CBFA2T3: variants seen among roughly 807,000 people sequenced by gnomAD.
CBFA2T3 encodes transcriptional corepressor CBFA2T3.
Under a neutral mutation model 58.6 loss-of-function variants are expected in CBFA2T3, and 31 were observed. That is an observed-to-expected ratio of 0.53 (90% CI 0.40 to 0.71). The LOEUF is 0.71. CBFA2T3 is among the 30% of genes least tolerant of loss of function. The pLI is 0.00. For missense variants in CBFA2T3, 1,076 were observed against 963.1 expected (o/e 1.12, Z -1.55); for synonymous variants, 531 against 421.9 (o/e 1.26, Z -3.17).
At chr16:88,900,684 ACT>A (rs934692071) in intron 2 of CBFA2T3, among the ~76,000 whole-genome samples, 1 of 152,056 alleles carries the variant, frequency 6.6e-6, no homozygotes, top group African/African-American at 2.4e-5. Context: ...CCCTGCAGAC[ACT>A]GAGATGCACT....
intron 4 of CBFA2T3, 73 bp from the exon 5 acceptor site, chr16:88,892,044 AG>A: frequency 7.1e-7 from 1 of 1,418,244 alleles, no homozygotes; most frequent in Non-Finnish European, 9.9e-7. Flanking sequence ...CCCATGCCTG[AG>A]GAGGAGGCTT....
rs1968830644 is a variant in CBFA2T3, at chr16:88,876,434, C to T, written c.*542G>A. On this transcript the variant is annotated 3_prime_UTR_variant, in exon 12 of 12. Transcript: ENST00000268679. ...GCTATAAAATCGCAGTTTTCTTTCT[C>T]CCTTTTTAATCAGGAGGGGGAGAAC... 1 of 230,902 alleles carries T rather than the reference C, an allele frequency of 4.3e-6. No individual in the cohort carries two copies. The highest frequency in any genetic ancestry group is 2.2e-5 in the African/African-American group (1 of 45,250). 14.3% of individuals were successfully genotyped at this position (230,902 alleles called of 1,614,324 possible). A position where few individuals can be genotyped will look rare whatever the true frequency, so the allele number is the denominator to read the frequency against.
chr16:88,889,323 G>C (rs1969528040), intron 5 of CBFA2T3, among the ~76,000 whole-genome samples: 1 of 131,596 alleles, frequency 7.6e-6, no homozygotes, highest in Non-Finnish European at 1.6e-5. Flanking sequence ...GGGAGGGCAG[G>C]AGGAAAGGAG....
intron 1 of CBFA2T3, among the ~76,000 whole-genome samples, chr16:88,907,678 C>T (rs1288659445): frequency 6.6e-6 from 1 of 152,240 alleles, no homozygotes; most frequent in Non-Finnish European, 1.5e-5. Flanking sequence ...CCTGGGAACC[C>T]CGAGGGGAGG....
intron 1 of CBFA2T3, among the ~76,000 whole-genome samples, chr16:88,973,520 A>G (rs1258607248): frequency 6.6e-6 from 1 of 152,132 alleles, no homozygotes; most frequent in East Asian, 1.9e-4. Flanking sequence ...GGAGATAGAA[A>G]CACCCGGGGA....
At chr16:88,899,453 C>T (rs1010299802) in intron 2 of CBFA2T3, among the ~76,000 whole-genome samples, 7 of 152,212 alleles carry the variant, frequency 4.6e-5, no homozygotes, top group African/African-American at 1.7e-4. Context: ...TCTTTCATAA[C>T]CTTCACGCTC....
chr16:88,876,661 G>A lies in CBFA2T3; in HGVS notation c.*315C>T, dbSNP rs1300484532. ...GAAAAGAGAGGTGGGCAGAGCCGCC[G>A]CGCCTGCGGCATCTGCTCTGCTGTC... On this transcript the variant is annotated 3_prime_UTR_variant, in exon 12 of 12. Coordinates refer to ENST00000268679, the MANE Select transcript of CBFA2T3 (RefSeq NM_005187.6). 8.7e-5 allele frequency: 30 copies of A among 344,372 alleles called. No individual in the cohort carries two copies. In the East Asian group the frequency reaches 1.2e-3, roughly 14 times the overall value. The allele number at this position is 344,372 out of a possible 1,614,324, so 21.3% of individuals were successfully genotyped here.
intron 1 of CBFA2T3, among the ~76,000 whole-genome samples, chr16:88,919,336 G>A (rs563310685): frequency 2.8e-4 from 43 of 152,264 alleles, no homozygotes; most frequent in African/African-American, 9.9e-4. Context: ...TCCTTCATTC[G>A]GTGTACTCTC....
chr16:88,895,831 G>A (rs555533023), intron 3 of CBFA2T3, among the ~76,000 whole-genome samples: 9 of 152,314 alleles, frequency 5.9e-5, no homozygotes, highest in Admixed American at 5.9e-4. Flanking sequence ...GCCCTGGTTA[G>A]GAGTGAGGAC....
intron 1 of CBFA2T3, among the ~76,000 whole-genome samples, chr16:88,962,606 G>A (rs189441686): frequency 1.3e-3 from 191 of 152,316 alleles, no homozygotes; most frequent in Admixed American, 4.3e-3. Flanking sequence ...GGCACATTTG[G>A]GAGGACTGAA....
At chr16:88,957,157 C>T (rs1048223728) in intron 1 of CBFA2T3, among the ~76,000 whole-genome samples, 17 of 152,222 alleles carry the variant, frequency 1.1e-4, no homozygotes, top group Admixed American at 2.6e-4. Flanking sequence ...CATCATCACA[C>T]GAGATTGGTT....
chr16:88,897,986 C>A, intron 3 of CBFA2T3, 92 bp downstream of exon 3: 2 of 930,776 alleles, frequency 2.1e-6, no homozygotes, highest in Non-Finnish European at 3.5e-6. Flanking sequence ...GGGAGGAGAG[C>A]TGAGCGCCCC....
At chr16:88,941,347 T>A in intron 1 of CBFA2T3, 1 of 183,524 alleles carries the variant, frequency 5.4e-6, no homozygotes, top group Non-Finnish European at 1.0e-5. Flanking sequence ...CCCGAGAGTC[T>A]CACGGGGCCC....
rs763504350 is a variant in CBFA2T3 at position 88,953,619 on chromosome 16, C to T, written c.151+23038G>A. ...TGGGGACAGTGCCAGCAGGAGTGGC[C>T]GGGACGATGACGAGGTGAGGTGTCT... On this transcript the variant is annotated intron_variant, in intron 1 of 11. Transcript: ENST00000268679. This position sits in a 1 kb window ranked among gnomAD's most constrained non-coding sequence, Gnocchi z 4.9. Among the ~76,000 whole-genome samples, 2 of 152,118 alleles carry T rather than the reference C, an allele frequency of 1.3e-5. No individual in the cohort carries two copies. Among genetic ancestry groups the T allele is most frequent in the Non-Finnish European group, 2.9e-5 (2 of 68,028 alleles).
chr16:88,948,034 C>T (rs1398708241), intron 1 of CBFA2T3, among the ~76,000 whole-genome samples: 1 of 152,114 alleles, frequency 6.6e-6, no homozygotes, highest in Non-Finnish European at 1.5e-5. Flanking sequence ...CAGAAAAAGA[C>T]AGGATTTGAC....
chr16:88,974,264 A>G (rs1446546804), intron 1 of CBFA2T3, among the ~76,000 whole-genome samples: 1 of 152,132 alleles, frequency 6.6e-6, no homozygotes, highest in Non-Finnish European at 1.5e-5. Context: ...GAGCACACAC[A>G]GCGGGCGCCT....
At chr16:88,934,135 T>C (rs1971411745) in intron 1 of CBFA2T3, among the ~76,000 whole-genome samples, 1 of 149,196 alleles carries the variant, frequency 6.7e-6, no homozygotes, top group Non-Finnish European at 1.5e-5. Context: ...CGAAGCTCCC[T>C]TGGGAGAGGC....
chr16:88,952,636 C>T (rs1175078676), intron 1 of CBFA2T3, among the ~76,000 whole-genome samples: 1 of 152,172 alleles, frequency 6.6e-6, no homozygotes, highest in African/African-American at 2.4e-5. Context: ...ACACCGCTCC[C>T]CTGCCCAGAA....
intron 2 of CBFA2T3, among the ~76,000 whole-genome samples, chr16:88,900,005 G>A (rs887027001): frequency 1.3e-5 from 2 of 152,200 alleles, no homozygotes; most frequent in African/African-American, 4.8e-5. Context: ...CGGCCACATC[G>A]CCGTGTGACA....
Sources: gnomAD v4.1 joint callset for allele counts (sites outside exome capture counted in the v4.1 genomes callset) on GRCh38, gnomAD v4.1.1 for gene constraint, Gnocchi (gnomAD v3.1) non-coding constraint, MANE v1.5 for transcripts, NCBI Gene and HGNC (gene_info 2026-07-23, HGNC 2026-07-21) for gene names.